The following UNC79 variants were observed in gnomAD, a reference collection of about 807,000 sequenced individuals.
UNC79 encodes unc-79 subunit of NALCN channel complex.
UNC79 carries 37 observed loss-of-function variants against 283.1 expected under a neutral mutation model. The ratio of observed to expected loss-of-function variants is 0.13; its 90% CI spans 0.10 to 0.17. The LOEUF (loss-of-function observed/expected upper bound fraction) is 0.17. Among genes scored for constraint, UNC79 ranks in the 10% least tolerant of loss-of-function variants. The pLI, the probability that UNC79 is intolerant of heterozygous loss-of-function variation, is 1.00. For synonymous variants in UNC79, 1,107 were observed against 1,200.2 expected, an observed-to-expected ratio of 0.92 and a Z score of 1.61; for missense variants, 2,272 against 3,211.1, an observed-to-expected ratio of 0.71 and a Z score of 7.07.
intron 7 of UNC79, among the ~76,000 whole-genome samples, chr14:93,512,682 A>T (rs1250968654): frequency 1.3e-5 from 2 of 152,074 alleles, no homozygotes; most frequent in African/African-American, 4.8e-5. Context: ...GTAATTTTAT[A>T]TATGCTATCT....
intron 41 of UNC79, among the ~76,000 whole-genome samples, chr14:93,674,806 G>A (rs1305967040): frequency 6.6e-6 from 1 of 152,162 alleles, no homozygotes; most frequent in Non-Finnish European, 1.5e-5. Context: ...TTGCATGGGG[G>A]GGTTCAGTGG....
rs370825830 is a variant in UNC79, at chr14:93,369,870, G to C, written c.-351+36347G>C. On this transcript the variant is annotated intron_variant, in intron 1 of 49. Transcript: ENST00000256339. ...GGTTTCATTGCTGCCTAATTTAGCTGAGGGACAGGAAGTAACCAGCTCCAG... is the reference window on the plus strand; with the variant it reads ...GGTTTCATTGCTGCCTAATTTAGCTCAGGGACAGGAAGTAACCAGCTCCAG... Among the ~76,000 whole-genome samples the C allele has an allele frequency of 2.6e-5, 4 of 152,316 alleles. No individual in the cohort carries two copies. The East Asian group carries it at 7.7e-4, about 29-fold the overall frequency.
intron 45 of UNC79, chr14:93,691,439 C>G: frequency 2.1e-6 from 1 of 483,468 alleles, no homozygotes; most frequent in Non-Finnish European, 3.8e-6. Flanking sequence ...ATTATTCTCC[C>G]TAATCTAGTT....
chr14:93,704,736 T>C, intron 48 of UNC79, 70 bp downstream of exon 51: 3 of 1,556,060 alleles, frequency 1.9e-6, no homozygotes, highest in Non-Finnish European at 2.7e-6. Flanking sequence ...CTAGGGATTG[T>C]TGATGCTCCA....
intron 35 of UNC79, among the ~76,000 whole-genome samples, chr14:93,647,772 G>A (rs939626220): frequency 3.9e-5 from 6 of 152,148 alleles, no homozygotes; most frequent in Non-Finnish European, 8.8e-5. Flanking sequence ...ATAATGACAT[G>A]CCTAAGACTG....
intron 1 of UNC79, among the ~76,000 whole-genome samples, chr14:93,433,353 A>G (rs2055950796): frequency 6.6e-6 from 1 of 152,222 alleles, no homozygotes; most frequent in Non-Finnish European, 1.5e-5. Context: ...GTTAATATGC[A>G]CTAACATGAG....
intron 31 of UNC79, among the ~76,000 whole-genome samples, chr14:93,631,307 A>G (rs1208603647): frequency 6.6e-6 from 1 of 152,230 alleles, no homozygotes; most frequent in East Asian, 1.9e-4. Context: ...TCCATCATTG[A>G]CAAAATTTGA....
intron 14 of UNC79, among the ~76,000 whole-genome samples, chr14:93,552,268 CAAAAG>C (rs916094913): frequency 1.3e-5 from 2 of 151,942 alleles, no homozygotes; most frequent in Non-Finnish European, 1.5e-5. Context: ...TCTATGGAAA[CAAAAG>C]AAAAACAACT....
intron 1 of UNC79, among the ~76,000 whole-genome samples, chr14:93,343,500 T>C (rs1717113199): frequency 6.6e-6 from 1 of 152,196 alleles, no homozygotes; most frequent in African/African-American, 2.4e-5. Flanking sequence ...CAGATGCAAA[T>C]ACAAAGAGAA....
At chr14:93,459,151 C>T (rs2056873952) in intron 1 of UNC79, among the ~76,000 whole-genome samples, 2 of 152,180 alleles carry the variant, frequency 1.3e-5, no homozygotes, top group South Asian at 4.1e-4. Context: ...GCCACCAAAA[C>T]TGGCTAATTT....
rs142300789 is a variant in UNC79, at chr14:93,680,366, A to C, written c.6742-2251A>C. On this transcript the variant is annotated intron_variant, in intron 41 of 48. Coordinates refer to ENST00000555664, the Ensembl canonical transcript of UNC79. ...CATCCAGGCCATGCAAACATACTTA[A>C]GTGGGGTCTAGGACTTTAAACCATC... Among the ~76,000 whole-genome samples, 407 of 152,308 alleles carry C rather than the reference A, an allele frequency of 2.7e-3. 2 individuals carry two copies. Among genetic ancestry groups the C allele is most frequent in the Middle Eastern group, 6.8e-3 (2 of 294 alleles).
intron 1 of UNC79, among the ~76,000 whole-genome samples, chr14:93,362,611 G>T (rs899044291): frequency 6.6e-6 from 1 of 152,158 alleles, no homozygotes; most frequent in African/African-American, 2.4e-5. Context: ...GCCTCCCAAA[G>T]TGCTGGGATT....
chr14:93,583,180 G>C (rs1185161116), intron 20 of UNC79, among the ~76,000 whole-genome samples: 3 of 152,112 alleles, frequency 2.0e-5, no homozygotes, highest in African/African-American at 4.8e-5. Flanking sequence ...AATTAGCCAA[G>C]TGTGGTGGCT....
At chr14:93,646,790 A>G in intron 35 of UNC79, 144 bp downstream of exon 38, 1 of 778,142 alleles carries the variant, frequency 1.3e-6, no homozygotes, top group Non-Finnish European at 2.1e-6. Context: ...TGGGAGGATC[A>G]CTCGAGCCCG....
chr14:93,642,430 A>AT (rs1411170991), intron 33 of UNC79, among the ~76,000 whole-genome samples: 1 of 151,336 alleles, frequency 6.6e-6, no homozygotes, highest in Non-Finnish European at 1.5e-5. Context: ...ATCTCAAAAA[A>AT]AAAAAAAAAA....
At chr14:93,553,881 C>T (rs1196918151) in intron 14 of UNC79, among the ~76,000 whole-genome samples, 5 of 152,180 alleles carry the variant, frequency 3.3e-5, no homozygotes, top group African/African-American at 4.8e-5. Context: ...AGGCTTAATT[C>T]AGGATTTTAT....
chr14:93,415,852 G>T (rs1411716573), intron 1 of UNC79, among the ~76,000 whole-genome samples: 1 of 151,688 alleles, frequency 6.6e-6, no homozygotes, highest in Non-Finnish European at 1.5e-5. Context: ...TATTTCTGTG[G>T]GATCAGTGGT....
chr14:93,513,300 C>T (rs926163511), intron 7 of UNC79, among the ~76,000 whole-genome samples: 4 of 150,890 alleles, frequency 2.7e-5, no homozygotes, highest in African/African-American at 9.7e-5. Context: ...TAGCTCACTG[C>T]AATCTTGAAC....
At chr14:93,459,618 T>C (rs183565041) in intron 1 of UNC79, among the ~76,000 whole-genome samples, 5 of 151,472 alleles carry the variant, frequency 3.3e-5, no homozygotes, top group East Asian at 1.9e-4. Flanking sequence ...TTTATACTTA[T>C]TAGCTTTGTG....
Sources: gnomAD v4.1 joint callset for allele counts (sites outside exome capture counted in the v4.1 genomes callset) on GRCh38, gnomAD v4.1.1 for gene constraint, MANE v1.5 for transcripts, NCBI Gene and HGNC (gene_info 2026-07-23, HGNC 2026-07-21) for gene names.